Variants in VPS13B observed in about 807,000 individuals in gnomAD.
VPS13B encodes the protein vacuolar protein sorting 13 homolog B.
A neutral mutation model predicts 426.4 loss-of-function variants in VPS13B; 285 were observed. The observed-to-expected ratio is 0.67, with a 90% CI of 0.61 to 0.74. The LOEUF (loss-of-function observed/expected upper bound fraction) is 0.74, where lower values mean the gene tolerates loss of function less well. Ranked by LOEUF, VPS13B falls within the 30% of genes least tolerant of loss-of-function variation. The probability of loss-of-function intolerance (pLI) is 0.00; values close to 1 mark genes in which losing one functional copy is unlikely to be tolerated. For synonymous variants in VPS13B, 1,676 were observed against 1,676.4 expected, an observed-to-expected ratio of 1.00 and a Z score of 0.01; for missense variants, 4,537 against 4,782.6, an observed-to-expected ratio of 0.95 and a Z score of 1.51.
In VPS13B at chr8:99,812,247, C is replaced by T. The variant is rs149489458; in HGVS notation, c.8097+2717C>T. On this transcript the variant is annotated intron_variant, in intron 44 of 61. Coordinates refer to ENST00000357162, the MANE Select transcript of VPS13B (RefSeq NM_152564.5). Reference sequence around the variant, plus strand: ...TTCAATTGGATTTAATTTTTGCTGTCAGGGTAGTTTAGCGTTCAGATTTGT... The same window carrying T: ...TTCAATTGGATTTAATTTTTGCTGTTAGGGTAGTTTAGCGTTCAGATTTGT... Among the ~76,000 whole-genome samples the T allele has an allele frequency of 1.1e-4, 17 of 152,242 alleles. No individual in the cohort carries two copies. In the East Asian group the frequency reaches 3.3e-3, roughly 29 times the overall value.
At chr8:99,041,617 G>T (rs1344130207) in intron 3 of VPS13B, among the ~76,000 whole-genome samples, 1 of 152,192 alleles carries the variant, frequency 6.6e-6, no homozygotes, top group East Asian at 1.9e-4. Flanking sequence ...ACTTTGGGAG[G>T]CCGAGGCGGG....
At chr8:99,229,927 A>C (rs1217824855) in intron 17 of VPS13B, among the ~76,000 whole-genome samples, 4 of 152,206 alleles carry the variant, frequency 2.6e-5, no homozygotes, top group Non-Finnish European at 5.9e-5. Context: ...CATAATGCAA[A>C]TATATCTTGA....
At chr8:99,066,583 T>C (rs1439016913) in intron 3 of VPS13B, among the ~76,000 whole-genome samples, 1 of 152,220 alleles carries the variant, frequency 6.6e-6, no homozygotes, top group African/African-American at 2.4e-5. Flanking sequence ...ATTCAGGACA[T>C]AGGCATGGGC....
Position 99,173,664 on chromosome 8 carries a change from C to T in VPS13B, c.2333+3501C>T, listed in dbSNP as rs759778945. ...TGGGATGTTAATTCTCTTATCTCCACCTGATAGGTGTTAGACTGATTTTTC... is the reference window on the plus strand; with the variant it reads ...TGGGATGTTAATTCTCTTATCTCCATCTGATAGGTGTTAGACTGATTTTTC... On this transcript the variant is annotated intron_variant, in intron 16 of 61. Coordinates refer to ENST00000357162, the MANE Select transcript of VPS13B (RefSeq NM_152564.5). Among the ~76,000 whole-genome samples the T allele has an allele frequency of 3.0e-4, 45 of 152,166 alleles. 1 individual carries two copies. The highest frequency in any genetic ancestry group is 3.2e-3 in the Middle Eastern group (1 of 316).
At chr8:99,359,725 T>C (rs1812390743) in intron 19 of VPS13B, among the ~76,000 whole-genome samples, 1 of 152,276 alleles carries the variant, frequency 6.6e-6, no homozygotes, top group African/African-American at 2.4e-5. Context: ...TAATTATACA[T>C]TGAGTAGTGT....
chr8:99,642,974 A>G (rs958652945), intron 34 of VPS13B, among the ~76,000 whole-genome samples: 1 of 152,320 alleles, frequency 6.6e-6, no homozygotes, highest in Admixed American at 6.5e-5. Flanking sequence ...AATAAAGATT[A>G]TTTAAAGATT....
intron 24 of VPS13B, among the ~76,000 whole-genome samples, chr8:99,475,970 C>A (rs1355332774): frequency 6.6e-6 from 1 of 152,202 alleles, no homozygotes; most frequent in African/African-American, 2.4e-5. Context: ...CTCAATAAAT[C>A]CTCATAAACA....
At chr8:99,271,300 A>C (rs1818593674) in intron 17 of VPS13B, among the ~76,000 whole-genome samples, 1 of 152,006 alleles carries the variant, frequency 6.6e-6, no homozygotes, top group Non-Finnish European at 1.5e-5. Context: ...TGAGATATTA[A>C]AATTTCCTGA....
chr8:99,043,790 T>A (rs934548626), intron 3 of VPS13B, among the ~76,000 whole-genome samples: 30 of 152,206 alleles, frequency 2.0e-4, no homozygotes, highest in Non-Finnish European at 1.8e-4. Context: ...TTTAACTCTG[T>A]CATCCTTATT....
chr8:99,355,806 A>G (rs1193997113), intron 19 of VPS13B, among the ~76,000 whole-genome samples: 1 of 152,134 alleles, frequency 6.6e-6, no homozygotes, highest in African/African-American at 2.4e-5. Context: ...CAATATTAAT[A>G]TGTCATCCAG....
chr8:99,771,179 T>A (rs1462601043), intron 40 of VPS13B, among the ~76,000 whole-genome samples: 3 of 152,208 alleles, frequency 2.0e-5, no homozygotes, highest in Non-Finnish European at 4.4e-5. Flanking sequence ...TATGTCTGGT[T>A]AATTCTGTAT....
chr8:99,158,981 A>C (rs1811505073), intron 15 of VPS13B, among the ~76,000 whole-genome samples: 1 of 152,230 alleles, frequency 6.6e-6, no homozygotes, highest in African/African-American at 2.4e-5. Context: ...AAGCAAATTG[A>C]AAACCTTTTG....
rs191778593 is a variant in VPS13B at position 99,699,503 on chromosome 8, T to G, written c.6047-22T>G. On this transcript the variant is annotated intron_variant, in intron 35 of 61. Coordinates refer to ENST00000357162, the MANE Select transcript of VPS13B (RefSeq NM_152564.5). ...TCAGTAAGAAAGCTTCAATAATTGTTTTCTCTTTTTTACTTCTATAGCGGA... is the reference window on the plus strand; with the variant it reads ...TCAGTAAGAAAGCTTCAATAATTGTGTTCTCTTTTTTACTTCTATAGCGGA... 503 of 1,611,578 alleles carry G rather than the reference T, an allele frequency of 3.1e-4. 2 individuals carry two copies. Among genetic ancestry groups the G allele is most frequent in the Middle Eastern group, 3.0e-3 (15 of 4,990 alleles).
In VPS13B at chr8:99,585,251, C is replaced by T. The variant is rs550730159; in HGVS notation, c.5220+7618C>T. On this transcript the variant is annotated intron_variant, in intron 33 of 61. Transcript: ENST00000357162. The stretch of plus-strand genomic sequence containing the variant: ...ATACACTAAGAAGTGTATATTTTAT[C>T]ACGAGCAGTTGGGAACCAAAGTTTA... 3.3e-5 allele frequency among the ~76,000 whole-genome samples: 5 copies of T among 152,246 alleles called. No individual in the cohort carries two copies. The South Asian group carries it at 1.0e-3, about 32-fold the overall frequency.
intron 19 of VPS13B, among the ~76,000 whole-genome samples, chr8:99,327,586 T>C (rs1336227599): frequency 6.6e-6 from 1 of 151,758 alleles, no homozygotes; most frequent in Admixed American, 6.6e-5. Flanking sequence ...GGCAAGAGAC[T>C]AGAGATAGGG....
chr8:99,442,882 G>T (rs3105195), intron 23 of VPS13B, among the ~76,000 whole-genome samples: 3 of 151,880 alleles, frequency 2.0e-5, no homozygotes, highest in Middle Eastern at 3.4e-3. Flanking sequence ...AAATGTAAAC[G>T]TAGGAAAAAT....
intron 27 of VPS13B, among the ~76,000 whole-genome samples, chr8:99,504,731 C>T (rs1171546005): frequency 8.5e-5 from 13 of 152,170 alleles, no homozygotes; most frequent in Admixed American, 8.5e-4. Context: ...CTTAAGGGCC[C>T]TAGGATTTTC....
In VPS13B at chr8:99,666,668, A is replaced by G. The variant is rs1191364880; in HGVS notation, c.6046+5177A>G. 2.0e-5 allele frequency among the ~76,000 whole-genome samples: 3 copies of G among 152,324 alleles called. 1 individual carries two copies. The South Asian group carries it at 6.2e-4, about 32-fold the overall frequency. On this transcript the variant is annotated intron_variant, in intron 35 of 61. Coordinates refer to ENST00000357162, the MANE Select transcript of VPS13B (RefSeq NM_152564.5). The stretch of plus-strand genomic sequence containing the variant: ...TTGATGGGTCATATCTCAAAATAAT[A>G]AGAGCTATCTATGATAAATCCACAG...
chr8:99,028,128 G>A (rs1284686029), intron 2 of VPS13B, among the ~76,000 whole-genome samples: 5 of 152,070 alleles, frequency 3.3e-5, no homozygotes, highest in Admixed American at 6.6e-5. Flanking sequence ...ACACAGACCC[G>A]GCAACCATCC....
Sources: allele counts gnomAD v4.1 joint callset (sites outside exome capture counted in the v4.1 genomes callset), GRCh38; gene constraint gnomAD v4.1.1; transcripts MANE v1.5; gene names NCBI Gene and HGNC (gene_info 2026-07-23, HGNC 2026-07-21).